SLC35E2B: variants seen among roughly 807,000 people sequenced by gnomAD.
SLC35E2B encodes the protein solute carrier family 35 member E2B, also known as solute carrier family 35, member E2B.
SLC35E2B carries 18 observed loss-of-function variants against 32.4 expected under a neutral mutation model. The ratio of observed to expected loss-of-function variants is 0.56; its 90% confidence interval spans 0.38 to 0.82. The LOEUF (loss-of-function observed/expected upper bound fraction) is 0.82, where lower values mean the gene tolerates loss of function less well. Among genes scored for constraint, SLC35E2B ranks in the 40% least tolerant of loss-of-function variants. The pLI, the probability that SLC35E2B is intolerant of heterozygous loss-of-function variation, is 0.00. For missense variants in SLC35E2B, 263 were observed against 469.5 expected (o/e 0.56, Z 4.06); for synonymous variants, 132 against 209.1 (o/e 0.63, Z 3.18).
intron 5 of SLC35E2B, chr1:1,673,968 GA>G (rs143198348): frequency 0.44 from 48,448 of 109,718 alleles, 8,519 homozygotes; most frequent in Middle Eastern, 0.55. Context: ...TCTCAAAAAA[GA>G]AAAAAAAAAA....
intron 9 of SLC35E2B, among the ~76,000 whole-genome samples, chr1:1,667,663 C>A (rs1449828402): frequency 1.3e-5 from 2 of 152,110 alleles, no homozygotes; most frequent in Non-Finnish European, 1.5e-5. Flanking sequence ...TGGCCAGTGG[C>A]TCCTGCACTG....
chr1:1,663,071 G>A lies in SLC35E2B; in HGVS notation c.*2711C>T, dbSNP rs1643446490. 1 of 956,774 alleles carries A rather than the reference G, an allele frequency of 1.0e-6. No homozygotes were observed. Among genetic ancestry groups the A allele is most frequent in the African/African-American group, 1.8e-5 (1 of 56,934 alleles). 59.3% of individuals were successfully genotyped at this position (956,774 alleles called of 1,614,324 possible). ...GCATGGAGAGGAGACTGAGGGAGAGGGAGGGGACAGCACGACTGAGCAAGG... is the reference window on the plus strand; with the variant it reads ...GCATGGAGAGGAGACTGAGGGAGAGAGAGGGGACAGCACGACTGAGCAAGG... On this transcript the variant is annotated 3_prime_UTR_variant, in exon 10 of 10. Transcript: ENST00000617444.
At chr1:1,687,169 G>A (rs1252448764) in intron 2 of SLC35E2B, among the ~76,000 whole-genome samples, 1 of 152,214 alleles carries the variant, frequency 6.6e-6, no homozygotes, top group Non-Finnish European at 1.5e-5. Flanking sequence ...GAACGGATGG[G>A]CGGACGGGCG....
Position 1,673,278 on chromosome 1 carries a change from T to C in SLC35E2B, c.587-1649A>G, listed in dbSNP as rs762395584. On this transcript the variant is annotated intron_variant, in intron 5 of 9. Transcript: ENST00000617444. ...GTTGACCCTGGTGTTCTTGCCTTCT[T>C]AGATTCTTCTGGAGCTGGAGATGAA... 176 of 470,168 alleles carry C rather than the reference T, an allele frequency of 3.7e-4. 3 individuals carry two copies. Among genetic ancestry groups the C allele is most frequent in the East Asian group, 1.4e-3 (23 of 15,880 alleles). The allele number at this position is 470,168 out of a possible 1,614,324, so 29.1% of individuals were successfully genotyped here. A position where few individuals can be genotyped will look rare whatever the true frequency, so the allele number is the denominator to read the frequency against.
chr1:1,668,585 T>A, intron 8 of SLC35E2B, 113 bp from the exon 9 acceptor site: 1 of 1,595,542 alleles, frequency 6.3e-7, no homozygotes, highest in Non-Finnish European at 8.5e-7. Context: ...CTGCTGCCAC[T>A]GAGGACAGCC....
chr1:1,665,916 C>A lies in SLC35E2B; in HGVS notation c.1084G>T (p.Val362Phe). The A allele has an allele frequency of 1.3e-6, 2 of 1,551,348 alleles. No homozygotes were observed. The highest frequency in any genetic ancestry group is 1.7e-6 in the Non-Finnish European group (2 of 1,146,970). ...LSAVGTALVT[V>F]GVLLYNKARQ... ...GCTTTGTTGTAGAGCAGGACCCCAACGGTCACCAGGGCTGTGCCAACGGCC... is the reference window on the plus strand; with the variant it reads ...GCTTTGTTGTAGAGCAGGACCCCAAAGGTCACCAGGGCTGTGCCAACGGCC... Residue 362 changes from valine (V) to phenylalanine (F), a missense_variant, in exon 10 of 10, where the codon GTT becomes TTT. This residue lies in a region of SLC35E2B where 78 missense variants were observed against 71.1 expected (regional missense o/e 1.10). Transcript: ENST00000617444.
chr1:1,688,877 A>G (rs370930694), intron 2 of SLC35E2B, among the ~76,000 whole-genome samples: 3 of 151,702 alleles, frequency 2.0e-5, no homozygotes, highest in Non-Finnish European at 4.4e-5. Flanking sequence ...ATGCAAAAGA[A>G]TAAGGACCTC....
At chr1:1,670,019 G>T in intron 7 of SLC35E2B, 79 bp downstream of exon 7, 2 of 1,264,766 alleles carry the variant, frequency 1.6e-6, no homozygotes, top group Non-Finnish European at 2.3e-6. Flanking sequence ...CAGGCCTGTG[G>T]GGTGTTCTGA....
At chr1:1,690,685 G>A (rs1339782222) in intron 2 of SLC35E2B, among the ~76,000 whole-genome samples, 1 of 108,390 alleles carries the variant, frequency 9.2e-6, no homozygotes, top group East Asian at 2.5e-4. Context: ...GTTGCAGTGA[G>A]CTGAGACTGC....
chr1:1,671,477 T>G (rs1643689498), intron 6 of SLC35E2B, 32 bp downstream of exon 6: 2 of 1,418,848 alleles, frequency 1.4e-6, no homozygotes, highest in South Asian at 1.5e-5. Context: ...CCGGGTCTCG[T>G]CCCCCTCACG....
chr1:1,671,532 T>C lies in SLC35E2B; in HGVS notation c.684A>G (p.Ala228=). The change falls in exon 6 of 10, where the codon GCA becomes GCG. Residue 228 remains alanine, a synonymous_variant. Coordinates refer to ENST00000617444, the MANE Select transcript of SLC35E2B (RefSeq NM_001290264.2). ...ISFNVLGFSA[A]LSTNIMDCLQ... Reference sequence around the variant, plus strand: ...ACCAGTCCATGATGTTGGTGGACAGTGCGGCCGAGAACCCCAGGACATTGA... The same window carrying C: ...ACCAGTCCATGATGTTGGTGGACAGCGCGGCCGAGAACCCCAGGACATTGA... 1 of 1,548,336 alleles carries C rather than the reference T, an allele frequency of 6.5e-7. No individual in the cohort carries two copies. The highest frequency in any genetic ancestry group is 8.7e-7 in the Non-Finnish European group (1 of 1,145,540).
intron 2 of SLC35E2B, among the ~76,000 whole-genome samples, chr1:1,687,577 CA>C (rs916204227): frequency 1.3e-5 from 2 of 151,718 alleles, no homozygotes; most frequent in African/African-American, 2.4e-5. Flanking sequence ...ACTAAAAATA[CA>C]AAAAAAATTA....
intron 2 of SLC35E2B, among the ~76,000 whole-genome samples, chr1:1,685,414 G>GAAAAAA (rs571091862): frequency 7.8e-5 from 8 of 102,636 alleles, no homozygotes; most frequent in Non-Finnish European, 1.4e-4. Context: ...CGTTTTCTCA[G>GAAAAAA]AAAAAAAAAA....
intron 2 of SLC35E2B, among the ~76,000 whole-genome samples, chr1:1,680,968 G>A (rs987805423): frequency 1.4e-5 from 2 of 145,786 alleles, no homozygotes; most frequent in African/African-American, 2.5e-5. Flanking sequence ...ACGCCCAGCC[G>A]CTTCTTATTC....
At chr1:1,684,747 G>A (rs534547906) in intron 2 of SLC35E2B, among the ~76,000 whole-genome samples, 67 of 128,154 alleles carry the variant, frequency 5.2e-4, no homozygotes, top group Non-Finnish European at 5.8e-4. Flanking sequence ...CCGAGATCGC[G>A]CCATTGCACT....
Position 1,671,823 on chromosome 1 carries a change from C to T in SLC35E2B, c.587-194G>A, listed in dbSNP as rs576697902. On this transcript the variant is annotated intron_variant, in intron 5 of 9. Transcript: ENST00000617444. ...TGTCTGCAAATAAGTCCCGTCCCCA[C>T]GGCAAAGGTGGCGCCTTTCACTCTA... Among the ~76,000 whole-genome samples the T allele has an allele frequency of 5.3e-5, 8 of 152,180 alleles. No individual in the cohort carries two copies. In the South Asian group the frequency reaches 1.2e-3, roughly 24 times the overall value.
Position 1,665,940 on chromosome 1 carries a change from C to G in SLC35E2B, c.1060G>C (p.Ala354Pro). 1 of 1,551,548 alleles carries G rather than the reference C, an allele frequency of 6.4e-7. No individual in the cohort carries two copies. The highest frequency in any genetic ancestry group is 8.7e-7 in the Non-Finnish European group (1 of 1,146,988). Residue 354 changes from alanine to proline, a missense_variant, in exon 10 of 10, where the codon GCC becomes CCC. Ala to Pro is a conservative substitution (Grantham distance 27). This residue lies in a region of SLC35E2B where 78 missense variants were observed against 71.1 expected (regional missense o/e 1.10). Transcript: ENST00000617444. The stretch of plus-strand genomic sequence containing the variant: ...ACGGTCACCAGGGCTGTGCCAACGG[C>G]CGACAAGCTGGTGATCTTGTTGCCG... ...VFGNKITSLS[A>P]VGTALVTVGV...
intron 2 of SLC35E2B, among the ~76,000 whole-genome samples, chr1:1,689,275 C>T (rs1470051426): frequency 6.6e-6 from 1 of 152,120 alleles, no homozygotes; most frequent in East Asian, 1.9e-4. Flanking sequence ...GTTGTCCATG[C>T]TGCCAGGCAA....
intron 7 of SLC35E2B, 168 bp from the exon 8 acceptor site, chr1:1,669,904 C>A: frequency 1.1e-6 from 1 of 875,712 alleles, no homozygotes; most frequent in Non-Finnish European, 1.8e-6. Context: ...AAACGCACAC[C>A]AGGCTGGCTG....
Sources: gnomAD v4.1 joint callset for allele counts (sites outside exome capture counted in the v4.1 genomes callset) on GRCh38, gnomAD v4.1.1 for gene constraint, gnomAD v4.1.1 regional missense constraint, MANE v1.5 for transcripts, NCBI Gene and HGNC (gene_info 2026-07-23, HGNC 2026-07-21) for gene names.